Variants in FOXP2 observed in about 807,000 individuals in gnomAD.
FOXP2 encodes forkhead box protein P2.
A neutral mutation model predicts 115.8 loss-of-function variants in FOXP2; 12 were observed. The observed-to-expected ratio is 0.10, with a 90% CI of 0.07 to 0.17. The LOEUF is 0.17. Ranked by LOEUF, FOXP2 falls within the 10% of genes least tolerant of loss-of-function variation. FOXP2 has a pLI of 1.00. For synonymous variants in FOXP2, 328 were observed against 297.7 expected (o/e 1.10, Z -1.05); for missense variants, 629 against 843.5 (o/e 0.75, Z 3.15).
chr7:114,387,921 T>C (rs62469229), intron 2 of FOXP2, among the ~76,000 whole-genome samples: 3,530 of 152,278 alleles, frequency 0.023, 62 homozygotes, highest in Non-Finnish European at 0.037. Flanking sequence ...GAAAGACCTA[T>C]TGCAATAGGA....
chr7:114,096,388 C>G (rs1370691068), intron 1 of FOXP2, among the ~76,000 whole-genome samples: 1 of 152,130 alleles, frequency 6.6e-6, no homozygotes, highest in South Asian at 2.1e-4. Flanking sequence ...TATAATATTC[C>G]TTTACTTCCA....
At chr7:114,367,960 C>T (rs1263048914) in intron 2 of FOXP2, among the ~76,000 whole-genome samples, 1 of 152,206 alleles carries the variant, frequency 6.6e-6, no homozygotes, top group Admixed American at 6.5e-5. Context: ...ATCTGGTTCT[C>T]ATAAAAATTA....
At chr7:114,201,497 A>C (rs1794064514) in intron 1 of FOXP2, among the ~76,000 whole-genome samples, 3 of 152,130 alleles carry the variant, frequency 2.0e-5, no homozygotes, top group African/African-American at 7.2e-5. Context: ...AAATAATCAA[A>C]TTTAAGGAAT....
chr7:114,433,090 C>A (rs559371648), intron 2 of FOXP2, among the ~76,000 whole-genome samples: 71 of 151,982 alleles, frequency 4.7e-4, no homozygotes, highest in Admixed American at 9.2e-4. Context: ...CATGCCTGAT[C>A]TGCTTTGTGG....
intron 2 of FOXP2, among the ~76,000 whole-genome samples, chr7:114,447,863 G>T (rs778297016): frequency 6.6e-6 from 1 of 152,108 alleles, no homozygotes; most frequent in Non-Finnish European, 1.5e-5. Flanking sequence ...TTTTGAATAT[G>T]GTAGATGCAG....
At chr7:114,506,115 T>C (rs1199945223) in intron 2 of FOXP2, among the ~76,000 whole-genome samples, 1 of 151,680 alleles carries the variant, frequency 6.6e-6, no homozygotes, top group Non-Finnish European at 1.5e-5. Context: ...CAATAAATAC[T>C]TGCTTAGTGA....
At position 114,473,945 on chromosome 7, in the gene FOXP2, CT is replaced by C. The variant is rs139097130; in HGVS notation, c.168+47271del. Among the ~76,000 whole-genome samples the C allele has an allele frequency of 1.7e-4, 26 of 152,214 alleles. No homozygotes were observed. In the East Asian group the frequency reaches 4.2e-3, roughly 25 times the overall value. ...ACAACAAAAATATGGCCATTGCCAT[CT>C]TTTTCTTTACGTCACATTCACAACC... On this transcript the variant is annotated intron_variant, in intron 2 of 16. Transcript: ENST00000350908.
chr7:114,256,914 T>C (rs1274789285), intron 1 of FOXP2, among the ~76,000 whole-genome samples: 2 of 152,196 alleles, frequency 1.3e-5, no homozygotes, highest in African/African-American at 4.8e-5. Flanking sequence ...TAAACTACCA[T>C]TGACATTCTT....
At chr7:114,544,362 G>A (rs1451282937) in intron 3 of FOXP2, among the ~76,000 whole-genome samples, 2 of 151,172 alleles carry the variant, frequency 1.3e-5, no homozygotes, top group Non-Finnish European at 3.0e-5. Flanking sequence ...TAAAGGTCTT[G>A]AATCACATCA....
chr7:114,546,040 C>A (rs1468451151), intron 3 of FOXP2, among the ~76,000 whole-genome samples: 2 of 152,190 alleles, frequency 1.3e-5, no homozygotes, highest in Admixed American at 1.3e-4. Context: ...TTTCCACTAT[C>A]TGGCCCATCA....
chr7:114,458,329 C>T (rs1173428490), intron 2 of FOXP2, among the ~76,000 whole-genome samples: 1 of 151,658 alleles, frequency 6.6e-6, no homozygotes, highest in Non-Finnish European at 1.5e-5. Context: ...TAAGAATTTG[C>T]ATAATCTTGT....
chr7:114,342,829 G>T (rs1192979011), intron 2 of FOXP2, among the ~76,000 whole-genome samples: 1 of 151,424 alleles, frequency 6.6e-6, no homozygotes, highest in African/African-American at 2.4e-5. Context: ...ATATGATAAT[G>T]AACTATGCAG....
chr7:114,637,402 T>A (rs1805279305), intron 6 of FOXP2, among the ~76,000 whole-genome samples: 1 of 152,104 alleles, frequency 6.6e-6, no homozygotes, highest in African/African-American at 2.4e-5. Context: ...AGTATATATA[T>A]CCTTGAAATA....
chr7:114,199,022 C>T (rs1793987844), intron 1 of FOXP2, among the ~76,000 whole-genome samples: 1 of 152,050 alleles, frequency 6.6e-6, no homozygotes, highest in South Asian at 2.1e-4. Flanking sequence ...TTGAAAAATA[C>T]TTTGTTTTTT....
intron 2 of FOXP2, among the ~76,000 whole-genome samples, chr7:114,349,746 A>G (rs1791435680): frequency 6.6e-6 from 1 of 152,036 alleles, no homozygotes; most frequent in Admixed American, 6.6e-5. Context: ...TTAAATGTGA[A>G]AATAGAAGAA....
chr7:114,549,124 G>T (rs1360857641), intron 3 of FOXP2, among the ~76,000 whole-genome samples: 1 of 152,124 alleles, frequency 6.6e-6, no homozygotes, highest in African/African-American at 2.4e-5. Flanking sequence ...AGGAAACCTT[G>T]CTTTCTCTTA....
chr7:114,103,050 G>C (rs1415650534), intron 1 of FOXP2, among the ~76,000 whole-genome samples: 3 of 152,054 alleles, frequency 2.0e-5, no homozygotes, highest in South Asian at 4.1e-4. Context: ...GATCTAGATA[G>C]TGAACCATGA....
rs149469629 is a variant in FOXP2, at chr7:114,128,785, A to C, written c.-246-34159A>C. On this transcript the variant is annotated intron_variant, in intron 1 of 19. Transcript: ENST00000635638. The stretch of plus-strand genomic sequence containing the variant: ...ACTTCATAAAATTAAGCATTTAATA[A>C]ATGCTAATTGATTATGAAAACCCAG... Among the ~76,000 whole-genome samples the C allele has an allele frequency of 6.1e-3, 930 of 152,108 alleles. 10 individuals are homozygous for C. The highest frequency in any genetic ancestry group is 0.037 in the Middle Eastern group (11 of 294).
At chr7:114,456,057 C>T in intron 2 of FOXP2, among the ~76,000 whole-genome samples, 1 of 152,186 alleles carries the variant, frequency 6.6e-6, no homozygotes, top group Non-Finnish European at 1.5e-5. Flanking sequence ...GAAAGCCCCT[C>T]CCCTCACTCT....
Sources: allele counts gnomAD v4.1 joint callset (sites outside exome capture counted in the v4.1 genomes callset), GRCh38; gene constraint gnomAD v4.1.1; transcripts MANE v1.5; gene names NCBI Gene and HGNC (gene_info 2026-07-23, HGNC 2026-07-21).